ATXN1: variants seen among roughly 807,000 people sequenced by gnomAD.
The protein encoded by ATXN1 is ataxin 1.
In ATXN1, 8 loss-of-function variants were observed where a neutral mutation model predicts 56.4. That is an observed-to-expected ratio of 0.14 (90% CI 0.08 to 0.26). The LOEUF (loss-of-function observed/expected upper bound fraction) is 0.26. ATXN1 is among the 10% of genes least tolerant of loss of function. ATXN1 has a pLI of 1.00. For missense variants in ATXN1, 987 were observed against 1,106.5 expected (o/e 0.89, Z 1.53); for synonymous variants, 514 against 494.6 (o/e 1.04, Z -0.52).
intron 6 of ATXN1, among the ~76,000 whole-genome samples, chr6:16,412,060 G>A (rs967247911): frequency 2.6e-5 from 4 of 152,042 alleles, no homozygotes; most frequent in Admixed American, 1.3e-4. Flanking sequence ...GCTAAATAAG[G>A]GCAGTAAAAA....
At chr6:16,732,589 AT>A (rs1760016055) in intron 2 of ATXN1, among the ~76,000 whole-genome samples, 1 of 152,102 alleles carries the variant, frequency 6.6e-6, no homozygotes, top group Admixed American at 6.6e-5. Context: ...ACAAAAAAAA[AT>A]CACTCCATTT....
At chr6:16,405,437 C>T (rs986955806) in intron 6 of ATXN1, among the ~76,000 whole-genome samples, 2 of 152,180 alleles carry the variant, frequency 1.3e-5, no homozygotes, top group South Asian at 2.1e-4. Context: ...CATTGCTTCC[C>T]CCAAGTCCAC....
At chr6:16,336,244 T>G (rs1761120221) in intron 6 of ATXN1, among the ~76,000 whole-genome samples, 1 of 152,168 alleles carries the variant, frequency 6.6e-6, no homozygotes, top group Admixed American at 6.5e-5. Flanking sequence ...CCAACCATGA[T>G]GCGGGTTACA....
At position 16,660,362 on chromosome 6, in the gene ATXN1, A is replaced by T. The variant is rs537767174; in HGVS notation, c.-614-2461T>A. The stretch of plus-strand genomic sequence containing the variant: ...CATATGTGAAAGTTGGCTATATTTT[A>T]AAAAGGATCTCACTCCAGAGGGTTT... On this transcript the variant is annotated intron_variant, in intron 2 of 7. Transcript: ENST00000436367. 5.3e-4 allele frequency among the ~76,000 whole-genome samples: 81 copies of T among 152,328 alleles called. 3 individuals carry two copies. The South Asian group carries it at 0.016, about 30-fold the overall frequency.
At position 16,327,196 on chromosome 6, in the gene ATXN1, C is replaced by T. The variant is rs1435006428; in HGVS notation, c.1115G>A (p.Ser372Asn). The T allele has an allele frequency of 1.9e-6, 3 of 1,613,872 alleles. No homozygotes were observed. The highest frequency in any genetic ancestry group is 2.7e-5 in the African/African-American group (2 of 74,942). Reference protein sequence around the residue: ...VVHPSPSDYSSRDPSGVRASV... With the variant: ...VVHPSPSDYSNRDPSGVRASV... ...GGCCCGGACCCCCGAAGGATCACGA[C>T]TGCTGTAGTCTGAGGGGCTCGGGTG... The change falls in exon 7 of 8, where the codon AGT becomes AAT. Residue 372 changes from serine to asparagine, a missense_variant. By Grantham distance (46) the Ser-to-Asn change is conservative. This residue lies in a region of ATXN1 where 723 missense variants were observed against 791.7 expected (regional missense o/e 0.91). Transcript: ENST00000436367.
At chr6:16,704,802 C>T (rs992810817) in intron 2 of ATXN1, among the ~76,000 whole-genome samples, 2 of 152,198 alleles carry the variant, frequency 1.3e-5, no homozygotes, top group East Asian at 1.9e-4. Flanking sequence ...ACAACCTTCA[C>T]GAGAAGTCTC....
chr6:16,509,541 C>T (rs1300656043), intron 5 of ATXN1, among the ~76,000 whole-genome samples: 2 of 152,186 alleles, frequency 1.3e-5, no homozygotes, highest in Non-Finnish European at 2.9e-5. Context: ...GAAACTCTGA[C>T]AGCCCCTGGA....
At chr6:16,730,483 G>GTATACATATATATA (rs1283942311) in intron 2 of ATXN1, among the ~76,000 whole-genome samples, 1 of 74,536 alleles carries the variant, frequency 1.3e-5, no homozygotes, top group African/African-American at 4.7e-5. Flanking sequence ...GGGTAAAACA[G>GTATACATATATATA]TATGTATATA....
intron 4 of ATXN1, among the ~76,000 whole-genome samples, chr6:16,554,321 G>C (rs1003330627): frequency 6.6e-6 from 1 of 152,260 alleles, no homozygotes; most frequent in African/African-American, 2.4e-5. Context: ...CCTGTGCTAA[G>C]ATTTGTGGAA....
rs193148223 is a variant in ATXN1, at chr6:16,546,857, G to A, written c.-360-24169C>T. Among the ~76,000 whole-genome samples, 467 of 152,244 alleles carry A rather than the reference G, an allele frequency of 3.1e-3. 1 individual carries two copies. Among genetic ancestry groups the A allele is most frequent in the Non-Finnish European group, 3.7e-3 (253 of 68,008 alleles). ...AACTGTACCCTGAGAGTATTGCCACGACAAGTTTATTTATTTTTCACATAA... is the reference window on the plus strand; with the variant it reads ...AACTGTACCCTGAGAGTATTGCCACAACAAGTTTATTTATTTTTCACATAA... On this transcript the variant is annotated intron_variant, in intron 4 of 7. Transcript: ENST00000436367.
chr6:16,605,736 T>C (rs1052144779), intron 3 of ATXN1, among the ~76,000 whole-genome samples: 2 of 152,184 alleles, frequency 1.3e-5, no homozygotes, highest in African/African-American at 4.8e-5. Context: ...ATTCAAGCAG[T>C]GACCCTAGGA....
In ATXN1 at chr6:16,327,867, G is replaced by T. The variant is rs370241100; in HGVS notation, c.444C>A (p.Ile148=). The T allele has an allele frequency of 2.5e-6, 4 of 1,607,242 alleles. No individual in the cohort carries two copies. The highest frequency in any genetic ancestry group is 2.2e-5 in the East Asian group (1 of 44,886). ...TYASFIPSQL[I]PPTANPVTSA... Reference sequence around the variant, plus strand: ...TGGTGACGGGGTTGGCGGTTGGGGGGATCAGCTGTGATGGGATGAAGCTGG... The same window carrying T: ...TGGTGACGGGGTTGGCGGTTGGGGGTATCAGCTGTGATGGGATGAAGCTGG... The change falls in exon 7 of 8, where the codon ATC becomes ATA. Residue 148 remains isoleucine, a synonymous_variant. Transcript: ENST00000436367.
chr6:16,429,170 G>T (rs1183062928), intron 6 of ATXN1, among the ~76,000 whole-genome samples: 1 of 151,852 alleles, frequency 6.6e-6, no homozygotes, highest in African/African-American at 2.4e-5. Context: ...AGGGCTGTGC[G>T]GTGGCCCTGG....
chr6:16,695,356 C>T (rs12198703), intron 2 of ATXN1, among the ~76,000 whole-genome samples: 12,973 of 152,248 alleles, frequency 0.085, 749 homozygotes, highest in Non-Finnish European at 0.12. Flanking sequence ...TGTTTTGATG[C>T]ATGCATAAAA....
At chr6:16,658,602 A>G (rs1458209805) in intron 2 of ATXN1, among the ~76,000 whole-genome samples, 1 of 152,202 alleles carries the variant, frequency 6.6e-6, no homozygotes, top group Non-Finnish European at 1.5e-5. Flanking sequence ...TGACAAGGTC[A>G]CTCTGAAAAG....
At chr6:16,694,519 C>T (rs955380653) in intron 2 of ATXN1, among the ~76,000 whole-genome samples, 3 of 152,002 alleles carry the variant, frequency 2.0e-5, no homozygotes, top group East Asian at 1.9e-4. Flanking sequence ...TAATGAGGAA[C>T]GTAACAAAAT....
At chr6:16,502,634 C>G (rs374594199) in intron 5 of ATXN1, among the ~76,000 whole-genome samples, 37 of 152,140 alleles carry the variant, frequency 2.4e-4, no homozygotes, top group African/African-American at 8.7e-4. Context: ...ATCCTACATA[C>G]AGAATCGGAA....
At chr6:16,450,365 G>A (rs758047082) in intron 6 of ATXN1, among the ~76,000 whole-genome samples, 1 of 152,218 alleles carries the variant, frequency 6.6e-6, no homozygotes, top group Non-Finnish European at 1.5e-5. Flanking sequence ...GATGCAACAT[G>A]TGTTTACACA....
intron 2 of ATXN1, among the ~76,000 whole-genome samples, chr6:16,747,197 T>C (rs1447200708): frequency 2.0e-5 from 3 of 152,238 alleles, no homozygotes; most frequent in Non-Finnish European, 1.5e-5. Context: ...TGATTTCTTT[T>C]GGAAAACTGC....
Sources: gnomAD v4.1 joint callset for allele counts (sites outside exome capture counted in the v4.1 genomes callset) on GRCh38, gnomAD v4.1.1 for gene constraint, gnomAD v4.1.1 regional missense constraint, MANE v1.5 for transcripts, NCBI Gene and HGNC (gene_info 2026-07-23, HGNC 2026-07-21) for gene names.